OLFML2A: variants seen among roughly 807,000 people sequenced by gnomAD.
The protein encoded by OLFML2A is olfactomedin like 2A.
Under a neutral mutation model 60.9 loss-of-function variants are expected in OLFML2A, and 47 were observed. That is an observed-to-expected ratio of 0.77 (90% CI 0.61 to 0.98). The LOEUF (loss-of-function observed/expected upper bound fraction) is 0.98, where lower values mean the gene tolerates loss of function less well. Ranked by LOEUF, OLFML2A falls within the 50% of genes least tolerant of loss-of-function variation. The probability of loss-of-function intolerance (pLI) is 0.00; values close to 1 mark genes in which losing one functional copy is unlikely to be tolerated. For synonymous variants in OLFML2A, 372 were observed against 375.0 expected (o/e 0.99, Z 0.09); for missense variants, 922 against 879.8 (o/e 1.05, Z -0.61).
intron 3 of OLFML2A, among the ~76,000 whole-genome samples, chr9:124,797,570 C>T (rs1206639435): frequency 6.6e-6 from 1 of 152,244 alleles, no homozygotes; most frequent in African/African-American, 2.4e-5. Flanking sequence ...TCCTCTGTAA[C>T]AATTTCTACA....
chr9:124,784,226 C>G (rs1250472678), intron 1 of OLFML2A, among the ~76,000 whole-genome samples: 1 of 150,990 alleles, frequency 6.6e-6, no homozygotes, highest in Non-Finnish European at 1.5e-5. Context: ...CTGAGACAGA[C>G]AGAGTCTTGC....
rs957406370 is a variant in OLFML2A, at chr9:124,777,531, G to A, written c.90+171G>A. Among the ~76,000 whole-genome samples the A allele has an allele frequency of 6.6e-6, 1 of 152,182 alleles. No individual in the cohort carries two copies. The highest frequency in any genetic ancestry group is 2.4e-5 in the African/African-American group (1 of 41,466). ...GAAGCCGCAGGGGCAGGGGCCCCGA[G>A]AGAGGGGCGCGTGGAGGAACAAGCG... On this transcript the variant is annotated intron_variant, in intron 1 of 7. Coordinates refer to ENST00000373580, the MANE Select transcript of OLFML2A (RefSeq NM_182487.4). The surrounding 1 kb of genome is among the most constrained non-coding windows in gnomAD (Gnocchi z 6.2).
chr9:124,792,075 C>T (rs1841579167), intron 2 of OLFML2A, among the ~76,000 whole-genome samples: 2 of 152,218 alleles, frequency 1.3e-5, no homozygotes, highest in South Asian at 2.1e-4. Flanking sequence ...CTACAGAGCT[C>T]GGACTGAACA....
chr9:124,799,452 C>T lies in OLFML2A; in HGVS notation c.630C>T (p.Ala210=), dbSNP rs1224611169. The part of the protein sequence containing the change: ...LQLLQKDAAA[A]PATPATGTGS... ...TGCTGCAGAAGGATGCCGCCGCCGC[C>T]CCTGCCACCCCTGCCACGGGCACTG... The change falls in exon 4 of 8, where the codon GCC becomes GCT. Residue 210 remains alanine (A), a synonymous_variant. Transcript: ENST00000373580. 1 of 1,604,912 alleles carries T rather than the reference C, an allele frequency of 6.2e-7. No homozygotes were observed. The highest frequency in any genetic ancestry group is 1.7e-5 in the Admixed American group (1 of 58,390).
Position 124,814,403 on chromosome 9 carries a change from T to G in OLFML2A, c.*3991T>G, listed in dbSNP as rs1842078380. 1 of 152,184 alleles carries G rather than the reference T, an allele frequency of 6.6e-6. No individual in the cohort carries two copies. The highest frequency in any genetic ancestry group is 2.1e-4 in the South Asian group (1 of 4,828). The allele number at this position is 152,184 out of a possible 1,614,324, so 9.4% of individuals were successfully genotyped here. A position where few individuals can be genotyped will look rare whatever the true frequency, so the allele number is the denominator to read the frequency against. ...AGGGCTGTGAACTCCCTCTTACAGCTAAGAACATGCAGCTTAGTGAGGACA... is the reference window on the plus strand; with the variant it reads ...AGGGCTGTGAACTCCCTCTTACAGCGAAGAACATGCAGCTTAGTGAGGACA... On this transcript the variant is annotated 3_prime_UTR_variant, in exon 8 of 8. Coordinates refer to ENST00000373580, the MANE Select transcript of OLFML2A (RefSeq NM_182487.4).
intron 1 of OLFML2A, among the ~76,000 whole-genome samples, chr9:124,784,940 CTTGT>C (rs1841429166): frequency 2.0e-5 from 1 of 50,052 alleles, no homozygotes; most frequent in African/African-American, 9.8e-5. Context: ...ATTCCTTTTA[CTTGT>C]TTTTTTTTTT....
chr9:124,786,926 G>C, intron 1 of OLFML2A, 49 bp from the exon 2 acceptor site: 1 of 1,566,578 alleles, frequency 6.4e-7, no homozygotes, highest in Non-Finnish European at 8.7e-7. Flanking sequence ...CCCTGCCATA[G>C]CACTGCCTAG....
chr9:124,812,135 C>G lies in OLFML2A; in HGVS notation c.*1723C>G, dbSNP rs1464979591. 1.3e-5 allele frequency: 2 copies of G among 151,646 alleles called. No individual in the cohort carries two copies. Among genetic ancestry groups the G allele is most frequent in the Non-Finnish European group, 2.9e-5 (2 of 68,134 alleles). 9.4% of individuals were successfully genotyped at this position (151,646 alleles called of 1,614,324 possible). A position where few individuals can be genotyped will look rare whatever the true frequency, so the allele number is the denominator to read the frequency against. On this transcript the variant is annotated 3_prime_UTR_variant, in exon 8 of 8. Transcript: ENST00000373580. Reference sequence around the variant, plus strand: ...ATGTTAGGAAGGTCAGCTGCACAGCCAAGAGTGTAAGAGTGTAAAGAAATG... The same window carrying G: ...ATGTTAGGAAGGTCAGCTGCACAGCGAAGAGTGTAAGAGTGTAAAGAAATG...
At chr9:124,796,542 T>A (rs1841673781) in intron 3 of OLFML2A, among the ~76,000 whole-genome samples, 1 of 152,252 alleles carries the variant, frequency 6.6e-6, no homozygotes, top group African/African-American at 2.4e-5. Context: ...GCATTGCTCC[T>A]GTTAACCATG....
intron 1 of OLFML2A, among the ~76,000 whole-genome samples, chr9:124,785,761 T>C (rs188834158): frequency 6.6e-6 from 1 of 152,250 alleles, no homozygotes; most frequent in Non-Finnish European, 1.5e-5. Context: ...CTGGATCTTA[T>C]GGGAATTTTA....
chr9:124,798,323 G>A (rs1245037421), intron 3 of OLFML2A, among the ~76,000 whole-genome samples: 2 of 151,880 alleles, frequency 1.3e-5, no homozygotes, highest in Admixed American at 1.3e-4. Flanking sequence ...CCAACATGGC[G>A]AAATCCCGTC....
chr9:124,801,420 G>A lies in OLFML2A; in HGVS notation c.676G>A (p.Ala226Thr). The change falls in exon 5 of 8, where the codon GCT becomes ACT. Residue 226 changes from alanine (A) to threonine (T), a missense_variant. Transcript: ENST00000373580. ...TGTGSKAQDT[A>T]RGKGKDISKY... ...GACTTCTCTTCCCTCCCAGGACACA[G>A]CTAGAGGAAAAGGCAAGGACATCAG... 6.2e-7 allele frequency: 1 copy of A among 1,614,110 alleles called. No individual in the cohort carries two copies. Among genetic ancestry groups the A allele is most frequent in the Admixed American group, 1.7e-5 (1 of 60,008 alleles).
At chr9:124,807,677 TC>T (rs1841923433) in intron 6 of OLFML2A, 103 bp from the exon 7 acceptor site, 1 of 866,030 alleles carries the variant, frequency 1.2e-6, no homozygotes. Flanking sequence ...AAACAAAATT[TC>T]AGGAGAGATT....
At chr9:124,794,989 C>T (rs1564284630) in intron 2 of OLFML2A, 35 bp from the exon 3 acceptor site, 2 of 1,302,854 alleles carry the variant, frequency 1.5e-6, no homozygotes, top group Non-Finnish European at 2.2e-6. Flanking sequence ...CCATGTGCTG[C>T]ACTCTTTGCC....
At chr9:124,807,525 C>T (rs1841920543) in intron 6 of OLFML2A, among the ~76,000 whole-genome samples, 1 of 152,116 alleles carries the variant, frequency 6.6e-6, no homozygotes, top group African/African-American at 2.4e-5. Flanking sequence ...TCAGGTGATC[C>T]ACCTGCCTTG....
At chr9:124,798,822 A>G (rs1398700729) in intron 3 of OLFML2A, among the ~76,000 whole-genome samples, 4 of 152,188 alleles carry the variant, frequency 2.6e-5, no homozygotes, top group Non-Finnish European at 2.9e-5. Flanking sequence ...CTGTGTGGCC[A>G]TGAGAAGGAA....
At position 124,777,211 on chromosome 9, in the gene OLFML2A, G is replaced by A. The variant is rs1322116159; in HGVS notation, c.-60G>A. ...CGGGCGAAGGCGCGGAGCTCGCAGT[G>A]CAGCCCGCGCTTCCCAGCGTCCGTG... is the stretch of plus-strand genomic sequence containing the variant. On this transcript the variant is annotated 5_prime_UTR_variant, in exon 1 of 8. Transcript: ENST00000373580. This position sits in a 1 kb window ranked among gnomAD's most constrained non-coding sequence, Gnocchi z 6.2. The A allele has an allele frequency of 6.4e-6, 4 of 629,494 alleles. No individual in the cohort carries two copies. The highest frequency in any genetic ancestry group is 9.0e-6 in the Non-Finnish European group (4 of 446,470). 39.0% of individuals were successfully genotyped at this position (629,494 alleles called of 1,614,324 possible).
In OLFML2A at chr9:124,812,516, T is replaced by C. The variant is rs1842040423; in HGVS notation, c.*2104T>C. 1 of 152,274 alleles carries C rather than the reference T, an allele frequency of 6.6e-6. No homozygotes were observed. Among genetic ancestry groups the C allele is most frequent in the Non-Finnish European group, 1.5e-5 (1 of 68,080 alleles). The allele number at this position is 152,274 out of a possible 1,614,324, so 9.4% of individuals were successfully genotyped here. A position where few individuals can be genotyped will look rare whatever the true frequency, so the allele number is the denominator to read the frequency against. On this transcript the variant is annotated 3_prime_UTR_variant, in exon 8 of 8. Coordinates refer to ENST00000373580, the MANE Select transcript of OLFML2A (RefSeq NM_182487.4). ...TTTCAGGCATTGTCAGGTGCTGTTT[T>C]GTTTAAGCTCTAACTCACCCCTGGA... is the stretch of plus-strand genomic sequence containing the variant.
chr9:124,807,732 G>C (rs1841924409), intron 6 of OLFML2A, 49 bp from the exon 7 acceptor site: 9 of 1,474,894 alleles, frequency 6.1e-6, no homozygotes, highest in African/African-American at 1.4e-5. Flanking sequence ...GCTCTGGCTG[G>C]GGGGCTTGGG....
Sources: gnomAD v4.1 joint callset for allele counts (sites outside exome capture counted in the v4.1 genomes callset) on GRCh38, gnomAD v4.1.1 for gene constraint, Gnocchi (gnomAD v3.1) non-coding constraint, MANE v1.5 for transcripts, NCBI Gene and HGNC (gene_info 2026-07-23, HGNC 2026-07-21) for gene names.